Variants in MME observed in about 807,000 individuals in gnomAD.
MME encodes membrane metalloendopeptidase.
Under a neutral mutation model 113.2 loss-of-function variants are expected in MME, and 98 were observed. That is an observed-to-expected ratio of 0.87 (90% confidence interval 0.74 to 1.02). The LOEUF is 1.02. Among genes scored for constraint, MME ranks in the 50% least tolerant of loss-of-function variants. MME has a pLI of 0.00. For missense variants in MME, 836 were observed against 896.0 expected (o/e 0.93, Z 0.86); for synonymous variants, 292 against 300.6 (o/e 0.97, Z 0.30).
At chr3:155,165,948 A>C (rs760715274) in intron 17 of MME, among the ~76,000 whole-genome samples, 9 of 152,220 alleles carry the variant, frequency 5.9e-5, no homozygotes, top group Non-Finnish European at 8.8e-5. Context: ...CACATTTGTG[A>C]GACATCTGAA....
intron 3 of MME, among the ~76,000 whole-genome samples, chr3:155,113,195 A>G (rs1298705505): frequency 6.6e-6 from 1 of 152,188 alleles, no homozygotes; most frequent in Non-Finnish European, 1.5e-5. Flanking sequence ...TCTGGTTGGA[A>G]CAGAGTTTGC....
chr3:155,172,107 A>C lies in MME; in HGVS notation c.1981-10A>C, dbSNP rs188419869. The C allele has an allele frequency of 1.8e-4, 269 of 1,503,530 alleles. 3 individuals are homozygous for C. In the East Asian group the frequency reaches 6.0e-3, roughly 34 times the overall value. The allele number at this position is 1,503,530 out of a possible 1,614,324, so 93.1% of individuals were successfully genotyped here. A position where few individuals can be genotyped will look rare whatever the true frequency, so the allele number is the denominator to read the frequency against. The stretch of plus-strand genomic sequence containing the variant: ...AATATTATTGTTTTTCTATTTTATC[A>C]ACTGCCTAGGCCTATCAGAATTATA... On this transcript the variant is annotated splice_polypyrimidine_tract_variant and intron_variant, in intron 20 of 22. Transcript: ENST00000360490.
intron 3 of MME, among the ~76,000 whole-genome samples, chr3:155,108,610 AC>A (rs1444428908): frequency 2.6e-5 from 4 of 151,924 alleles, no homozygotes; most frequent in Non-Finnish European, 4.4e-5. Flanking sequence ...AAAAAAAAAA[AC>A]AAATTAAACC....
intron 22 of MME, among the ~76,000 whole-genome samples, chr3:155,174,325 CGTGT>C (rs3839085): frequency 0.19 from 21,012 of 109,874 alleles, 1,868 homozygotes; most frequent in Non-Finnish European, 0.22. Context: ...ACAACAGAAG[CGTGT>C]GTGTGTGTGT....
intron 15 of MME, among the ~76,000 whole-genome samples, chr3:155,147,670 T>A (rs1466971339): frequency 6.6e-6 from 1 of 152,138 alleles, no homozygotes; most frequent in Non-Finnish European, 1.5e-5. Flanking sequence ...TGAAAACTAT[T>A]TTGTTCTGCC....
At chr3:155,152,989 C>T (rs1286951996) in intron 16 of MME, among the ~76,000 whole-genome samples, 1 of 151,866 alleles carries the variant, frequency 6.6e-6, no homozygotes, top group East Asian at 1.9e-4. Context: ...CTAAAAGGGC[C>T]TCCCTCTGCT....
rs746419069 is a variant in MME at position 155,172,115 on chromosome 3, A to G, written c.1981-2A>G. 6.4e-7 allele frequency: 1 copy of G among 1,551,564 alleles called. No homozygotes were observed. The highest frequency in any genetic ancestry group is 8.9e-7 in the Non-Finnish European group (1 of 1,123,772). On this transcript the variant is annotated splice_acceptor_variant, in intron 20 of 22. Transcript: ENST00000360490. LOFTEE classifies it high-confidence loss of function. ...TGTTTTTCTATTTTATCAACTGCCT[A>G]GGCCTATCAGAATTATATTAAAAAG...
chr3:155,063,813 G>A (rs369918272), intron 1 of MME, among the ~76,000 whole-genome samples: 59 of 149,610 alleles, frequency 3.9e-4, no homozygotes, highest in South Asian at 8.4e-4. Context: ...GGTTTATATG[G>A]TCTCTTGGTA....
chr3:155,156,529 A>G (rs1722317205), intron 16 of MME, among the ~76,000 whole-genome samples: 1 of 152,190 alleles, frequency 6.6e-6, no homozygotes, highest in South Asian at 2.1e-4. Flanking sequence ...TCCCAGTTAT[A>G]TAACGTAGTT....
chr3:155,178,535 G>C (rs1712785438), intron 22 of MME, among the ~76,000 whole-genome samples: 1 of 152,208 alleles, frequency 6.6e-6, no homozygotes, highest in East Asian at 1.9e-4. Flanking sequence ...CAGGTCACAG[G>C]TTAATTCATT....
Position 155,144,384 on chromosome 3 carries a change from GAGA to G in MME, c.1346_1348del (p.Glu449del), listed in dbSNP as rs779794616. ...GTCGAGGATTTGATTGCACAGATCC[GAGA>G]AGTTTTTATTCAGACTTTAGATGAC... On this transcript the variant is annotated inframe_deletion, in exon 14 of 23. Coordinates refer to ENST00000360490, the MANE Select transcript of MME (RefSeq NM_007289.4). 1 of 1,612,774 alleles carries G rather than the reference GAGA, an allele frequency of 6.2e-7. No homozygotes were observed. The highest frequency in any genetic ancestry group is 1.1e-5 in the South Asian group (1 of 91,064).
chr3:155,165,703 G>A (rs1174749065), intron 17 of MME, among the ~76,000 whole-genome samples: 3 of 152,274 alleles, frequency 2.0e-5, no homozygotes, highest in Non-Finnish European at 2.9e-5. Context: ...AGGAATGAGA[G>A]TATGTGTAAA....
intron 7 of MME, 45 bp downstream of exon 7, chr3:155,117,031 T>C (rs971701149): frequency 9.5e-7 from 1 of 1,053,356 alleles, no homozygotes; most frequent in East Asian, 2.4e-5. Context: ...TAAATTGTAA[T>C]AAAACTTCCA....
In MME at chr3:155,084,172, G is replaced by A. The variant is rs1405955444; in HGVS notation, c.5G>A (p.Gly2Asp). Residue 2 changes from glycine (G) to aspartate (D), a missense_variant, in exon 2 of 23, where the codon GGC becomes GAC. Gly to Asp is a moderately conservative substitution (Grantham distance 94). Transcript: ENST00000360490. ...ATTTTTTGCAGATTTTAGGTGATGGGCAAGTCAGAAAGTCAGATGGATATA... is the reference window on the plus strand; with the variant it reads ...ATTTTTTGCAGATTTTAGGTGATGGACAAGTCAGAAAGTCAGATGGATATA... M[G>D]KSESQMDITD... 2 of 1,613,670 alleles carry A rather than the reference G, an allele frequency of 1.2e-6. No individual in the cohort carries two copies. The highest frequency in any genetic ancestry group is 1.7e-5 in the Admixed American group (1 of 59,992).
intron 3 of MME, among the ~76,000 whole-genome samples, chr3:155,113,892 C>T (rs916653956): frequency 1.3e-5 from 2 of 152,148 alleles, no homozygotes; most frequent in South Asian, 2.1e-4. Flanking sequence ...CAGTCCTGAG[C>T]GTTTTGTTTT....
chr3:155,090,793 A>G (rs1716221901), intron 3 of MME, among the ~76,000 whole-genome samples: 1 of 152,206 alleles, frequency 6.6e-6, no homozygotes, highest in South Asian at 2.1e-4. Context: ...TACTGATTTA[A>G]TCAGATTTGT....
At chr3:155,063,656 A>G (rs1714266145) in intron 1 of MME, among the ~76,000 whole-genome samples, 1 of 113,984 alleles carries the variant, frequency 8.8e-6, no homozygotes, top group South Asian at 2.6e-4. Context: ...ATATTTGATT[A>G]TATAACATAT....
At position 155,143,503 on chromosome 3, in the gene MME, G is replaced by A. The variant is rs757718489; in HGVS notation, c.1249G>A (p.Gly417Arg). 4 of 1,612,694 alleles carry A rather than the reference G, an allele frequency of 2.5e-6. No homozygotes were observed. Among genetic ancestry groups the A allele is most frequent in the African/African-American group, 1.3e-5 (1 of 74,844 alleles). ...TWRRCANYVNGNMENAVGRLY... is the reference protein window; with the variant it reads ...TWRRCANYVNRNMENAVGRLY... ...GAGACGTTGTGCAAACTATGTCAAT[G>A]GGAATATGGAAAATGCTGTGGGGAG... The change falls in exon 13 of 23, where the codon GGG becomes AGG. Residue 417 changes from glycine (G) to arginine (R), a missense_variant. Coordinates refer to ENST00000360490, the MANE Select transcript of MME (RefSeq NM_007289.4).
intron 1 of MME, among the ~76,000 whole-genome samples, chr3:155,039,099 A>G (rs1713222587): frequency 6.6e-6 from 1 of 152,160 alleles, no homozygotes; most frequent in African/African-American, 2.4e-5. Context: ...AAATTCATGC[A>G]GAGACAAATG....
Sources: allele counts gnomAD v4.1 joint callset (sites outside exome capture counted in the v4.1 genomes callset), GRCh38; gene constraint gnomAD v4.1.1; transcripts MANE v1.5; gene names NCBI Gene and HGNC (gene_info 2026-07-23, HGNC 2026-07-21).